The following PSMF1 variants were observed in gnomAD, a reference collection of about 807,000 sequenced individuals.
PSMF1 encodes proteasome inhibitor subunit 1.
PSMF1 carries 30 observed loss-of-function variants against 29.3 expected under a neutral mutation model. The observed-to-expected ratio is 1.02, with a 90% CI of 0.77 to 1.39. The LOEUF is 1.39. Among genes scored for constraint, PSMF1 ranks in the 40% most tolerant of loss-of-function variants. The pLI is 0.00. For missense variants in PSMF1, 344 were observed against 357.5 expected, an observed-to-expected ratio of 0.96 and a Z score of 0.31; for synonymous variants, 134 against 139.7, an observed-to-expected ratio of 0.96 and a Z score of 0.29.
intron 4 of PSMF1, among the ~76,000 whole-genome samples, chr20:1,147,247 G>A (rs973546136): frequency 7.9e-5 from 12 of 152,166 alleles, no homozygotes; most frequent in African/African-American, 1.2e-4. Flanking sequence ...CCTGTGAACC[G>A]AGTGTGTTAA....
chr20:1,156,267 G>A (rs1026803357), intron 4 of PSMF1, among the ~76,000 whole-genome samples: 3 of 152,124 alleles, frequency 2.0e-5, no homozygotes, highest in African/African-American at 7.2e-5. Flanking sequence ...AGGGACCTGT[G>A]GGGCAATTAT....
chr20:1,155,905 C>T (rs1405893128), intron 4 of PSMF1, among the ~76,000 whole-genome samples: 2 of 152,078 alleles, frequency 1.3e-5, no homozygotes, highest in African/African-American at 4.8e-5. Context: ...CATAAAAGAA[C>T]CAAGAAAATT....
chr20:1,130,998 G>A (rs2086221471), intron 3 of PSMF1, among the ~76,000 whole-genome samples: 1 of 152,190 alleles, frequency 6.6e-6, no homozygotes, highest in Admixed American at 6.5e-5. Context: ...GGGAGGGAAG[G>A]GGAAGTGAGC....
upstream of PSMF1, among the ~76,000 whole-genome samples, chr20:1,115,374 C>G (rs1431582826): frequency 6.6e-6 from 1 of 152,242 alleles, no homozygotes; most frequent in Admixed American, 6.5e-5. Flanking sequence ...ACGGAGCTGT[C>G]TGCCCTGGTG....
intron 1 of PSMF1, among the ~76,000 whole-genome samples, chr20:1,124,827 T>G (rs916132390): frequency 1.3e-5 from 2 of 152,210 alleles, no homozygotes; most frequent in Non-Finnish European, 2.9e-5. Context: ...GAAGCTATAT[T>G]TTTATGGTTG....
In PSMF1 at chr20:1,165,171, G is replaced by A; in HGVS notation, c.*91G>A. The A allele has an allele frequency of 6.2e-7, 1 of 1,605,966 alleles. No homozygotes were observed. Among genetic ancestry groups the A allele is most frequent in the Non-Finnish European group, 8.5e-7 (1 of 1,175,652 alleles). On this transcript the variant is annotated 3_prime_UTR_variant, in exon 7 of 7. Coordinates refer to ENST00000335877, the MANE Select transcript of PSMF1 (RefSeq NM_006814.5). The stretch of plus-strand genomic sequence containing the variant: ...TCAGCAACCATGTTCTTGCAGGCTG[G>A]GGGCAAGGGATTCTGCTCATGTGTT...
chr20:1,122,491 G>C (rs1250355458), intron 1 of PSMF1, among the ~76,000 whole-genome samples: 1 of 151,790 alleles, frequency 6.6e-6, no homozygotes, highest in Non-Finnish European at 1.5e-5. Flanking sequence ...GTAGAGACAG[G>C]GTTTCACCAT....
chr20:1,130,447 G>A (rs950360835), intron 3 of PSMF1, among the ~76,000 whole-genome samples: 1 of 152,024 alleles, frequency 6.6e-6, no homozygotes, highest in African/African-American at 2.4e-5. Context: ...TGCCTTCCCC[G>A]CATCCCTGTG....
At chr20:1,121,128 GT>G (rs11478083) in intron 1 of PSMF1, among the ~76,000 whole-genome samples, 39,659 of 149,520 alleles carry the variant, frequency 0.27, 5,291 homozygotes, top group Middle Eastern at 0.36. Flanking sequence ...CATTTTAATA[GT>G]TTTTTTTTTT....
Position 1,118,710 on chromosome 20 carries a change from G to A in PSMF1, c.-64G>A, listed in dbSNP as rs2086040263. On this transcript the variant is annotated 5_prime_UTR_variant, in exon 1 of 7. Coordinates refer to ENST00000335877, the MANE Select transcript of PSMF1 (RefSeq NM_006814.5). ...CAGAGTTATAGCTACCCCGGCCGCG[G>A]AGCCGGCTCACTGCACTACCCCCGC... The A allele has an allele frequency of 4.5e-6, 7 of 1,538,898 alleles. No homozygotes were observed. The highest frequency in any genetic ancestry group is 5.3e-6 in the Non-Finnish European group (6 of 1,133,572).
chr20:1,115,807 A>C (rs1158182915), upstream of PSMF1, among the ~76,000 whole-genome samples: 2 of 147,806 alleles, frequency 1.4e-5, no homozygotes, highest in Non-Finnish European at 3.0e-5. Context: ...ATCTCGGCTC[A>C]CTGCAACCTC....
In PSMF1 at chr20:1,118,650, G is replaced by A; in HGVS notation, c.-124G>A. The A allele has an allele frequency of 1.6e-6, 2 of 1,256,212 alleles. No individual in the cohort carries two copies. The highest frequency in any genetic ancestry group is 2.2e-6 in the Non-Finnish European group (2 of 929,566). The allele number at this position is 1,256,212 out of a possible 1,614,324, so 77.8% of individuals were successfully genotyped here. A position where few individuals can be genotyped will look rare whatever the true frequency, so the allele number is the denominator to read the frequency against. ...CCGGGCGTCTCCATTTTGGTCTCAG[G>A]TGTGGACTCGGCAAGAACCAGCGCA... On this transcript the variant is annotated 5_prime_UTR_variant, in exon 1 of 7. In the 5' UTR this introduces an upstream ATG that the reference lacks. Coordinates refer to ENST00000335877, the MANE Select transcript of PSMF1 (RefSeq NM_006814.5).
chr20:1,134,395 T>C (rs896822114), intron 3 of PSMF1, among the ~76,000 whole-genome samples: 7 of 152,226 alleles, frequency 4.6e-5, no homozygotes, highest in Admixed American at 2.6e-4. Flanking sequence ...CTTTTTGTTT[T>C]GATTTCTGTT....
rs184914369 is a variant in PSMF1, at chr20:1,150,895, G to A, written c.552-12235G>A. Among the ~76,000 whole-genome samples, 396 of 151,838 alleles carry A rather than the reference G, an allele frequency of 2.6e-3. 1 individual carries two copies. Among genetic ancestry groups the A allele is most frequent in the Non-Finnish European group, 4.3e-3 (293 of 67,918 alleles). On this transcript the variant is annotated intron_variant, in intron 4 of 6. Coordinates refer to ENST00000335877, the MANE Select transcript of PSMF1 (RefSeq NM_006814.5). ...TATATTTTCTCCTAGAAGCTTTAATGGTTTACCTTTTATGTTTAGATCTAT... is the reference window on the plus strand; with the variant it reads ...TATATTTTCTCCTAGAAGCTTTAATAGTTTACCTTTTATGTTTAGATCTAT...
chr20:1,127,537 G>A (rs2122476293), intron 3 of PSMF1, 29 bp downstream of exon 3: 2 of 1,519,594 alleles, frequency 1.3e-6, no homozygotes, highest in Non-Finnish European at 1.8e-6. Context: ...TCTTCCCTGG[G>A]AAAAAGAAGA....
intron 3 of PSMF1, among the ~76,000 whole-genome samples, chr20:1,133,569 A>ATATATATATATATATATTTTTTTTTTTTT: frequency 3.8e-5 from 2 of 53,300 alleles, no homozygotes; most frequent in Non-Finnish European, 9.1e-5. Context: ...ATATATATAT[A>ATATATATATATATATATTTTTTTTTTTTT]TTTTTTTTTT....
intron 3 of PSMF1, among the ~76,000 whole-genome samples, chr20:1,127,989 C>T (rs564751560): frequency 1.3e-5 from 2 of 152,106 alleles, no homozygotes; most frequent in East Asian, 1.9e-4. Flanking sequence ...CATAATGATT[C>T]ATTTGTTACA....
At position 1,153,876 on chromosome 20, in the gene PSMF1, A is replaced by G. The variant is rs6134044; in HGVS notation, c.552-9254A>G. On this transcript the variant is annotated intron_variant, in intron 4 of 6. Transcript: ENST00000335877. ...GAAACAAGTTCTTTGTTCCCATCAT[A>G]TAGTAGTGGAGTGACAGAGGATAAG... 5.3e-5 allele frequency among the ~76,000 whole-genome samples: 8 copies of G among 152,306 alleles called. No individual in the cohort carries two copies. In the East Asian group the frequency reaches 1.2e-3, roughly 22 times the overall value.
chr20:1,142,182 A>T lies in PSMF1; in HGVS notation c.551+6876A>T, dbSNP rs578047477. Reference sequence around the variant, plus strand: ...GGTTGCAGTGAGCTGAGATCGCGCCACACCACTGCACTCCAGCCTGAACGA... The same window carrying T: ...GGTTGCAGTGAGCTGAGATCGCGCCTCACCACTGCACTCCAGCCTGAACGA... On this transcript the variant is annotated intron_variant, in intron 4 of 6. Coordinates refer to ENST00000335877, the MANE Select transcript of PSMF1 (RefSeq NM_006814.5). Among the ~76,000 whole-genome samples the T allele has an allele frequency of 5.3e-5, 8 of 152,338 alleles. No individual in the cohort carries two copies. In the East Asian group the frequency reaches 1.5e-3, roughly 29 times the overall value.
Sources: allele counts gnomAD v4.1 joint callset (sites outside exome capture counted in the v4.1 genomes callset), GRCh38; gene constraint gnomAD v4.1.1; transcripts MANE v1.5; gene names NCBI Gene and HGNC (gene_info 2026-07-23, HGNC 2026-07-21).